PAK1: variants seen among roughly 807,000 people sequenced by gnomAD.
The protein encoded by PAK1 is serine/threonine-protein kinase PAK 1.
A neutral mutation model predicts 67.4 loss-of-function variants in PAK1; 29 were observed. The observed-to-expected ratio is 0.43, with a 90% CI of 0.32 to 0.59. The LOEUF (loss-of-function observed/expected upper bound fraction) is 0.59, where lower values mean the gene tolerates loss of function less well. PAK1 is among the 20% of genes least tolerant of loss of function. The pLI is 0.07. For missense variants in PAK1, 337 were observed against 670.7 expected, an observed-to-expected ratio of 0.50 and a Z score of 5.50; for synonymous variants, 223 against 237.4, an observed-to-expected ratio of 0.94 and a Z score of 0.56.
At chr11:77,480,486 G>A in the PAK1 span, among the ~76,000 whole-genome samples, 14 of 142,400 alleles carry the variant, frequency 9.8e-5, no homozygotes, top group Non-Finnish European at 1.5e-5. Context: ...GTCCTTTATT[G>A]TAAAGATAAT....
intron 1 of PAK1, among the ~76,000 whole-genome samples, chr11:77,404,468 T>C (rs1223185399): frequency 6.6e-6 from 1 of 152,106 alleles, no homozygotes; most frequent in African/African-American, 2.4e-5. Context: ...GGTTTCACCA[T>C]GTTGGCCAGG....
At chr11:77,334,356 G>GGT (rs1321581977) in intron 13 of PAK1, among the ~76,000 whole-genome samples, 2 of 152,130 alleles carry the variant, frequency 1.3e-5, no homozygotes, top group Non-Finnish European at 2.9e-5. Flanking sequence ...AGAAACTACA[G>GGT]AAGGTAGTTT....
At chr11:77,444,861 A>G (rs1956524963) in intron 1 of PAK1, among the ~76,000 whole-genome samples, 1 of 152,158 alleles carries the variant, frequency 6.6e-6, no homozygotes, top group South Asian at 2.1e-4. Context: ...AGGTCTGAAT[A>G]CTGCAAGGAC....
intron 1 of PAK1, among the ~76,000 whole-genome samples, chr11:77,423,965 A>C (rs1028805676): frequency 1.3e-5 from 2 of 152,230 alleles, no homozygotes; most frequent in African/African-American, 4.8e-5. Flanking sequence ...GAGTCTAGTG[A>C]AAATCAATGT....
chr11:77,474,534 G>A (rs956287745), upstream of PAK1: 3 of 152,206 alleles, frequency 2.0e-5, no homozygotes, highest in East Asian at 1.9e-4. Context: ...GAGAAAGACG[G>A]CTAACTTCCG....
chr11:77,511,922 C>T, the PAK1 span, among the ~76,000 whole-genome samples: 1 of 152,132 alleles, frequency 6.6e-6, no homozygotes, highest in African/African-American at 2.4e-5. Flanking sequence ...GGGGGCGTTC[C>T]ACACCATCCC....
At chr11:77,408,977 G>A (rs1159351044) in intron 1 of PAK1, among the ~76,000 whole-genome samples, 3 of 152,128 alleles carry the variant, frequency 2.0e-5, no homozygotes, top group Non-Finnish European at 2.9e-5. Flanking sequence ...CAAAAAGACA[G>A]GCAAAGGCTG....
At position 77,404,363 on chromosome 11, in the gene PAK1, G is replaced by A. The variant is rs536372418; in HGVS notation, c.-21-11822C>T. Among the ~76,000 whole-genome samples, 473 of 152,010 alleles carry A rather than the reference G, an allele frequency of 3.1e-3. 1 individual carries two copies. The highest frequency in any genetic ancestry group is 9.7e-3 in the African/African-American group (404 of 41,450). ...GCTCACTGCAACCTCCACCTCGGGG[G>A]TTCAAGTGATTCTCCTGCCTCAGCC... On this transcript the variant is annotated intron_variant, in intron 1 of 14. Transcript: ENST00000356341.
intron 1 of PAK1, among the ~76,000 whole-genome samples, chr11:77,399,815 C>T (rs1952383176): frequency 1.6e-5 from 2 of 128,460 alleles, no homozygotes; most frequent in African/African-American, 3.1e-5. Context: ...GCCGAGATCC[C>T]GCCACTGCAC....
chr11:77,415,193 A>G (rs1184288958), intron 1 of PAK1, among the ~76,000 whole-genome samples: 1 of 152,242 alleles, frequency 6.6e-6, no homozygotes, highest in African/African-American at 2.4e-5. Flanking sequence ...CACATCTATT[A>G]GAATAACTAA....
At chr11:77,328,614 TCTGGGACACATTCAAAG>T (rs1940640911) in intron 14 of PAK1, among the ~76,000 whole-genome samples, 1 of 151,908 alleles carries the variant, frequency 6.6e-6, no homozygotes, top group Non-Finnish European at 1.5e-5. Context: ...TACCAGAATC[TCTGGGACACATTCAAAG>T]CAGTGTGTAG....
the PAK1 span, among the ~76,000 whole-genome samples, chr11:77,504,186 C>A: frequency 1.6e-4 from 25 of 152,124 alleles, no homozygotes; most frequent in Non-Finnish European, 3.2e-4. Context: ...AGCCACTGCA[C>A]CCGGCCCCTA....
chr11:77,396,632 A>C (rs1231250945), intron 1 of PAK1, among the ~76,000 whole-genome samples: 1 of 152,222 alleles, frequency 6.6e-6, no homozygotes, highest in Non-Finnish European at 1.5e-5. Context: ...AGAAAAGACC[A>C]CTATCTCTTC....
chr11:77,394,447 T>G (rs1246049908), intron 1 of PAK1, among the ~76,000 whole-genome samples: 1 of 152,202 alleles, frequency 6.6e-6, no homozygotes, highest in African/African-American at 2.4e-5. Flanking sequence ...GTTTTTTTTT[T>G]TAACAATTTC....
chr11:77,481,994 C>T, the PAK1 span, among the ~76,000 whole-genome samples: 1 of 151,736 alleles, frequency 6.6e-6, no homozygotes, highest in Non-Finnish European at 1.5e-5. Context: ...TACCGTTTTG[C>T]TTCTTTTTTT....
At chr11:77,407,717 G>A (rs555354869) in intron 1 of PAK1, among the ~76,000 whole-genome samples, 4 of 152,258 alleles carry the variant, frequency 2.6e-5, no homozygotes, top group Admixed American at 2.6e-4. Context: ...TCTGCAACCC[G>A]CCAGAAATTG....
chr11:77,458,654 G>C (rs1289401832), intron 1 of PAK1, among the ~76,000 whole-genome samples: 2 of 152,202 alleles, frequency 1.3e-5, no homozygotes, highest in Non-Finnish European at 2.9e-5. Context: ...AGGGGTGAAT[G>C]TACAGACCTT....
chr11:77,456,987 C>T (rs1360643201), intron 1 of PAK1, among the ~76,000 whole-genome samples: 2 of 152,088 alleles, frequency 1.3e-5, no homozygotes, highest in African/African-American at 2.4e-5. Context: ...GTGATCCGCC[C>T]GCCTCGGCCT....
chr11:77,475,406 A>G (rs971491998), upstream of PAK1: 1 of 152,140 alleles, frequency 6.6e-6, no homozygotes, highest in Non-Finnish European at 1.5e-5. Flanking sequence ...AAAAGCACAA[A>G]TCTGATGATG....
Sources: gnomAD v4.1 joint callset for allele counts (sites outside exome capture counted in the v4.1 genomes callset) on GRCh38, gnomAD v4.1.1 for gene constraint, MANE v1.5 for transcripts, NCBI Gene and HGNC (gene_info 2026-07-23, HGNC 2026-07-21) for gene names.